ADAMTS3: variants seen among roughly 807,000 people sequenced by gnomAD.
ADAMTS3 encodes A disintegrin and metalloproteinase with thrombospondin motifs 3.
Under a neutral mutation model 129.0 loss-of-function variants are expected in ADAMTS3, and 73 were observed. That is an observed-to-expected ratio of 0.57 (90% CI 0.47 to 0.69). The LOEUF (loss-of-function observed/expected upper bound fraction) is 0.69. Ranked by LOEUF, ADAMTS3 falls within the 30% of genes least tolerant of loss-of-function variation. The pLI, the probability that ADAMTS3 is intolerant of heterozygous loss-of-function variation, is 0.00. For synonymous variants in ADAMTS3, 477 were observed against 510.8 expected, an observed-to-expected ratio of 0.93 and a Z score of 0.89; for missense variants, 1,457 against 1,514.5, an observed-to-expected ratio of 0.96 and a Z score of 0.63.
intron 4 of ADAMTS3, among the ~76,000 whole-genome samples, chr4:72,343,068 G>A (rs1720180799): frequency 6.6e-6 from 1 of 152,200 alleles, no homozygotes; most frequent in South Asian, 2.1e-4. Context: ...TTTATGGACA[G>A]GCTGGAGGTA....
intron 3 of ADAMTS3, among the ~76,000 whole-genome samples, chr4:72,541,922 CTGTG>C (rs1161089849): frequency 1.3e-5 from 2 of 152,202 alleles, no homozygotes; most frequent in South Asian, 2.1e-4. Context: ...GTTATTTACT[CTGTG>C]TATGTATTCA....
rs748223007 is a variant in ADAMTS3 at position 72,288,762 on chromosome 4, G to A, written c.3038C>T (p.Pro1013Leu). The A allele has an allele frequency of 1.2e-6, 2 of 1,610,896 alleles. No individual in the cohort carries two copies. Among genetic ancestry groups the A allele is most frequent in the Non-Finnish European group, 1.7e-6 (2 of 1,177,164 alleles). Residue 1013 changes from proline (P) to leucine (L), a missense_variant, in exon 21 of 22, where the codon CCT becomes CTT. Physicochemically the swap from Pro to Leu is moderately conservative, Grantham distance 98. Coordinates refer to ENST00000286657, the MANE Select transcript of ADAMTS3 (RefSeq NM_014243.3). The part of the protein sequence containing the change: ...KPESVRACQL[P>L]PCNDEPCLGD... ...GGTGTGACACCTACCATTACAAGGA[G>A]GCAGTTGACAGGCTCTGACCGACTC...
chr4:72,377,720 T>A (rs1010835095), intron 4 of ADAMTS3, among the ~76,000 whole-genome samples: 1 of 152,188 alleles, frequency 6.6e-6, no homozygotes, highest in Non-Finnish European at 1.5e-5. Context: ...ATGATCTAAG[T>A]GGCCTTTGAT....
At chr4:72,427,556 A>G (rs1210522196) in intron 3 of ADAMTS3, among the ~76,000 whole-genome samples, 1 of 152,086 alleles carries the variant, frequency 6.6e-6, no homozygotes, top group Non-Finnish European at 1.5e-5. Context: ...CACCTTGGCC[A>G]AGAGGAATAG....
intron 5 of ADAMTS3, among the ~76,000 whole-genome samples, chr4:72,324,673 C>A (rs1409367718): frequency 1.3e-5 from 2 of 152,118 alleles, no homozygotes; most frequent in African/African-American, 4.8e-5. Context: ...ATCTGCAATA[C>A]AATCTTGGAT....
At chr4:72,317,960 C>T (rs574345116) in intron 10 of ADAMTS3, among the ~76,000 whole-genome samples, 55 of 151,164 alleles carry the variant, frequency 3.6e-4, no homozygotes, top group African/African-American at 7.5e-4. Flanking sequence ...ACTCAGGAGG[C>T]GGAGGTTGCA....
In ADAMTS3 at chr4:72,414,927, G is replaced by C. The variant is rs372641541; in HGVS notation, c.549C>G (p.Pro183=). The C allele has an allele frequency of 2.5e-6, 4 of 1,576,928 alleles. No homozygotes were observed. The Admixed American group carries it at 5.6e-5, about 22-fold the overall frequency. ...KSDNEEYFIE[P]LERGKQMEEE... ...CCTCCATCTGTTTACCTCTTTCCAA[G>C]GGTTCAATGAAATACTCTTCATTAT... is the stretch of plus-strand genomic sequence containing the variant. Residue 183 remains proline, a synonymous_variant, in exon 4 of 22, where the codon CCC becomes CCG. Coordinates refer to ENST00000286657, the MANE Select transcript of ADAMTS3 (RefSeq NM_014243.3).
intron 4 of ADAMTS3, 90 bp from the exon 5 acceptor site, chr4:72,339,783 T>G: frequency 4.1e-6 from 4 of 983,050 alleles, no homozygotes; most frequent in Non-Finnish European, 6.3e-6. Flanking sequence ...CTCAGGGGCC[T>G]ATCAGTATCA....
chr4:72,470,375 A>ATATATATATATATATG (rs1327419541), intron 3 of ADAMTS3, among the ~76,000 whole-genome samples: 1 of 143,190 alleles, frequency 7.0e-6, no homozygotes, highest in Non-Finnish European at 1.5e-5. Flanking sequence ...ATATATATAT[A>ATATATATATATATATG]TACACACACA....
rs868728050 is a variant in ADAMTS3 at position 72,529,918 on chromosome 4, T to G, written c.504+18560A>C. On this transcript the variant is annotated intron_variant, in intron 3 of 21. Transcript: ENST00000286657. ...TATTATATATAAATAATATATATTATAAATATTATATAATATATTATATTT... is the reference window on the plus strand; with the variant it reads ...TATTATATATAAATAATATATATTAGAAATATTATATAATATATTATATTT... Among the ~76,000 whole-genome samples, 298 of 56,614 alleles carry G rather than the reference T, an allele frequency of 5.3e-3. 20 individuals are homozygous for G. Among genetic ancestry groups the G allele is most frequent in the Non-Finnish European group, 6.6e-3 (225 of 33,960 alleles). The allele number at this position is 56,614 out of a possible 152,430, so 37.1% of individuals were successfully genotyped here. A position where few individuals can be genotyped will look rare whatever the true frequency, so the allele number is the denominator to read the frequency against.
intron 3 of ADAMTS3, among the ~76,000 whole-genome samples, chr4:72,499,497 A>G (rs1195907636): frequency 1.3e-5 from 2 of 152,156 alleles, no homozygotes; most frequent in Non-Finnish European, 2.9e-5. Flanking sequence ...AAAGTGGTAA[A>G]CTACATTTAT....
At chr4:72,305,550 T>C (rs182381491) in intron 16 of ADAMTS3, among the ~76,000 whole-genome samples, 1 of 152,112 alleles carries the variant, frequency 6.6e-6, no homozygotes, top group East Asian at 1.9e-4. Context: ...TATAAGCTTG[T>C]CAAATGATTT....
intron 3 of ADAMTS3, among the ~76,000 whole-genome samples, chr4:72,498,650 C>T (rs1375084156): frequency 6.6e-6 from 1 of 151,866 alleles, no homozygotes; most frequent in Non-Finnish European, 1.5e-5. Flanking sequence ...CTCTCTCTTT[C>T]TCACACGCAC....
chr4:72,393,213 C>T (rs1270679723), intron 4 of ADAMTS3, among the ~76,000 whole-genome samples: 4 of 152,132 alleles, frequency 2.6e-5, no homozygotes, highest in South Asian at 4.1e-4. Flanking sequence ...CGTGAGCCAC[C>T]GCGCCTGGCC....
At chr4:72,291,181 G>T in intron 19 of ADAMTS3, 119 bp from the exon 20 acceptor site, 1 of 977,904 alleles carries the variant, frequency 1.0e-6, no homozygotes, top group Non-Finnish European at 1.5e-6. Context: ...TGGGCACACT[G>T]CAGTTCAGGA....
intron 3 of ADAMTS3, among the ~76,000 whole-genome samples, chr4:72,491,921 T>C (rs1719756150): frequency 6.6e-6 from 1 of 151,802 alleles, no homozygotes; most frequent in South Asian, 2.1e-4. Context: ...GATTTTTCAT[T>C]ACTAATTCAA....
intron 3 of ADAMTS3, among the ~76,000 whole-genome samples, chr4:72,518,862 G>A (rs547194269): frequency 2.6e-4 from 40 of 151,898 alleles, no homozygotes; most frequent in African/African-American, 8.9e-4. Flanking sequence ...TGTTATGTGT[G>A]AATTTGATCC....
At chr4:72,434,490 T>C (rs1352099858) in intron 3 of ADAMTS3, among the ~76,000 whole-genome samples, 1 of 151,764 alleles carries the variant, frequency 6.6e-6, no homozygotes, top group Non-Finnish European at 1.5e-5. Context: ...ACTGTAGACT[T>C]ACTAAATCTA....
chr4:72,539,945 C>T (rs955384825), intron 3 of ADAMTS3, among the ~76,000 whole-genome samples: 8 of 152,144 alleles, frequency 5.3e-5, no homozygotes, highest in Middle Eastern at 3.4e-3. Context: ...GTATCAGCAG[C>T]GTGAAAATGG....
Sources: allele counts gnomAD v4.1 joint callset (sites outside exome capture counted in the v4.1 genomes callset), GRCh38; gene constraint gnomAD v4.1.1; transcripts MANE v1.5; gene names NCBI Gene and HGNC (gene_info 2026-07-23, HGNC 2026-07-21).